NDUFA12: variants seen among roughly 807,000 people sequenced by gnomAD.
NDUFA12 encodes the protein NADH:ubiquinone oxidoreductase subunit A12, also known as NADH dehydrogenase [ubiquinone] 1 alpha subcomplex subunit 12.
A neutral mutation model predicts 20.3 loss-of-function variants in NDUFA12; 17 were observed. The observed-to-expected ratio is 0.84, with a 90% CI of 0.57 to 1.26. The LOEUF is 1.26. Ranked by LOEUF, NDUFA12 falls within the 50% of genes most tolerant of loss-of-function variation. NDUFA12 has a pLI of 0.00. For synonymous variants in NDUFA12, 72 were observed against 63.6 expected, an observed-to-expected ratio of 1.13 and a Z score of -0.63; for missense variants, 191 against 183.7, an observed-to-expected ratio of 1.04 and a Z score of -0.23.
intron 3 of NDUFA12, chr12:94,971,860 G>A (rs1873898518): frequency 1.2e-5 from 8 of 691,186 alleles, no homozygotes; most frequent in Non-Finnish European, 1.8e-5. Context: ...ATTCTTGTGT[G>A]TGGCAGATAC....
intron 3 of NDUFA12, among the ~76,000 whole-genome samples, chr12:94,983,956 G>A (rs1256211803): frequency 6.6e-6 from 1 of 152,062 alleles, no homozygotes; most frequent in Non-Finnish European, 1.5e-5. Flanking sequence ...GAGCCTTTGT[G>A]GGGAGAAGAG....
At chr12:94,979,418 G>GA (rs1314279621) in intron 3 of NDUFA12, among the ~76,000 whole-genome samples, 1 of 151,992 alleles carries the variant, frequency 6.6e-6, no homozygotes, top group Non-Finnish European at 1.5e-5. Context: ...CTTATAATCA[G>GA]AAAAAATCTT....
At chr12:94,972,584 C>A (rs1873925209) in intron 3 of NDUFA12, 1 of 380,002 alleles carries the variant, frequency 2.6e-6, no homozygotes, top group Non-Finnish European at 5.5e-6. Context: ...TAAATCAGGG[C>A]CAGGCACAGT....
chr12:94,971,591 T>A lies in NDUFA12; in HGVS notation c.287A>T (p.Asp96Val). 6.2e-7 allele frequency: 1 copy of A among 1,614,126 alleles called. No homozygotes were observed. The highest frequency in any genetic ancestry group is 8.5e-7 in the Non-Finnish European group (1 of 1,180,016). ...WHRWLHSMTD[D>V]PPTTKPLTAR... ...AGTAAGTGGTTTTGTTGTTGGAGGA[T>A]CATCAGTCATACTGTGAAGCCAACG... is the stretch of plus-strand genomic sequence containing the variant. The change falls in exon 4 of 4, where the codon GAT becomes GTT. Residue 96 changes from aspartate (D) to valine (V), a missense_variant. By Grantham distance (152) the Asp-to-Val change is radical. Transcript: ENST00000327772.
At chr12:94,991,266 C>T (rs1203437490) in intron 3 of NDUFA12, among the ~76,000 whole-genome samples, 3 of 151,360 alleles carry the variant, frequency 2.0e-5, no homozygotes, top group African/African-American at 7.3e-5. Context: ...AGAGTGTCCC[C>T]GTCTCAAAAT....
intron 1 of NDUFA12, 131 bp downstream of exon 1, chr12:95,003,464 A>G: frequency 6.3e-6 from 6 of 958,478 alleles, no homozygotes; most frequent in Non-Finnish European, 1.0e-5. Flanking sequence ...GTGGCAAGGC[A>G]GAGATTGGGG....
intron 2 of NDUFA12, among the ~76,000 whole-genome samples, chr12:94,996,575 T>C (rs993283776): frequency 6.6e-6 from 1 of 151,874 alleles, no homozygotes; most frequent in African/African-American, 2.4e-5. Flanking sequence ...ATCCCAGCAC[T>C]TTGGGAGGCT....
chr12:95,002,678 TAG>T (rs1875096165), intron 2 of NDUFA12, 59 bp downstream of exon 2: 3 of 1,230,844 alleles, frequency 2.4e-6, no homozygotes, highest in African/African-American at 1.5e-5. Context: ...ATATGGAAAA[TAG>T]ACTCAAATCA....
intron 3 of NDUFA12, among the ~76,000 whole-genome samples, chr12:94,972,099 G>A (rs1873908897): frequency 6.6e-6 from 1 of 151,976 alleles, no homozygotes; most frequent in Non-Finnish European, 1.5e-5. Context: ...CTGACTTTCA[G>A]AAGATTTTTG....
chr12:94,998,378 C>T (rs7312863), intron 2 of NDUFA12, among the ~76,000 whole-genome samples: 59,573 of 151,930 alleles, frequency 0.39, 12,269 homozygotes, highest in East Asian at 0.58. Context: ...AACATCATAC[C>T]GAATGGGGAA....
intron 3 of NDUFA12, among the ~76,000 whole-genome samples, chr12:94,980,738 A>G (rs1874208832): frequency 6.6e-6 from 1 of 152,204 alleles, no homozygotes; most frequent in Non-Finnish European, 1.5e-5. Context: ...TTACTAAGAA[A>G]TGAACAGAAA....
chr12:94,976,192 T>C (rs1232292775), intron 3 of NDUFA12, among the ~76,000 whole-genome samples: 1 of 152,192 alleles, frequency 6.6e-6, no homozygotes, highest in African/African-American at 2.4e-5. Context: ...ATTAACCTAT[T>C]TGATCCTTAT....
At chr12:94,971,832 C>T (rs771679124) in intron 3 of NDUFA12, 1 of 728,654 alleles carries the variant, frequency 1.4e-6, no homozygotes. Context: ...AGATAATAGA[C>T]ATAAAGCACA....
At position 95,000,284 on chromosome 12, in the gene NDUFA12, CAAGGTAT is replaced by C. The variant is rs1397411677; in HGVS notation, c.169+2448_169+2454del. ...AGTGGGAACTAAGCTATGAGGATGC[CAAGGTAT>C]AAGAATGATATAAAGGACTTTGGGG... is the stretch of plus-strand genomic sequence containing the variant. On this transcript the variant is annotated intron_variant, in intron 2 of 3. Coordinates refer to ENST00000327772, the MANE Select transcript of NDUFA12 (RefSeq NM_018838.5). 4.0e-5 allele frequency among the ~76,000 whole-genome samples: 6 copies of C among 151,874 alleles called. No individual in the cohort carries two copies. The East Asian group carries it at 1.2e-3, about 29-fold the overall frequency.
At chr12:94,995,390 T>C (rs1271524295) in intron 2 of NDUFA12, among the ~76,000 whole-genome samples, 1 of 152,160 alleles carries the variant, frequency 6.6e-6, no homozygotes, top group East Asian at 1.9e-4. Flanking sequence ...GTTTCATAAG[T>C]CAAGCCCTGA....
At chr12:94,996,385 G>A (rs1592705739) in intron 2 of NDUFA12, among the ~76,000 whole-genome samples, 2 of 148,006 alleles carry the variant, frequency 1.4e-5, no homozygotes, top group Admixed American at 1.4e-4. Flanking sequence ...TGTTGCCCAG[G>A]CTGGTCTTGA....
chr12:94,974,737 C>T (rs1592697490), intron 3 of NDUFA12, among the ~76,000 whole-genome samples: 1 of 152,014 alleles, frequency 6.6e-6, no homozygotes, highest in Admixed American at 6.5e-5. Flanking sequence ...GTGAAATAAG[C>T]CAGGTACAGA....
chr12:95,000,577 G>T (rs144860322), intron 2 of NDUFA12, among the ~76,000 whole-genome samples: 3 of 152,150 alleles, frequency 2.0e-5, no homozygotes, highest in African/African-American at 7.2e-5. Context: ...GCTTTAGGAG[G>T]CACATATTAT....
intron 3 of NDUFA12, among the ~76,000 whole-genome samples, chr12:94,981,011 CTG>C (rs758248365): frequency 1.3e-5 from 2 of 151,960 alleles, no homozygotes; most frequent in Non-Finnish European, 2.9e-5. Context: ...ATGAAGACTT[CTG>C]TGTGTTACTG....
Sources: allele counts gnomAD v4.1 joint callset (sites outside exome capture counted in the v4.1 genomes callset), GRCh38; gene constraint gnomAD v4.1.1; transcripts MANE v1.5; gene names NCBI Gene and HGNC (gene_info 2026-07-23, HGNC 2026-07-21).